DIAPH3: variants seen among roughly 807,000 people sequenced by gnomAD.
DIAPH3 encodes the protein protein diaphanous homolog 3.
DIAPH3 carries 117 observed loss-of-function variants against 144.3 expected under a neutral mutation model. The observed-to-expected ratio is 0.81, with a 90% CI of 0.70 to 0.95. DIAPH3 has a LOEUF of 0.95. DIAPH3 is among the 40% of genes least tolerant of loss of function. DIAPH3 has a pLI of 0.00. For missense variants in DIAPH3, 1,421 were observed against 1,412.7 expected, an observed-to-expected ratio of 1.01 and a Z score of -0.09; for synonymous variants, 519 against 488.9, an observed-to-expected ratio of 1.06 and a Z score of -0.81.
At chr13:59,847,991 T>C (rs968429119) in intron 22 of DIAPH3, among the ~76,000 whole-genome samples, 2 of 152,212 alleles carry the variant, frequency 1.3e-5, no homozygotes, top group African/African-American at 4.8e-5. Context: ...TTAGTTTTTA[T>C]AACTCTTTTC....
At chr13:60,079,327 A>G (rs183396583) in intron 4 of DIAPH3, among the ~76,000 whole-genome samples, 1 of 152,190 alleles carries the variant, frequency 6.6e-6, no homozygotes, top group East Asian at 1.9e-4. Flanking sequence ...CTACACATCT[A>G]CTTCCATAAA....
chr13:59,906,526 G>T (rs913535490), intron 20 of DIAPH3, among the ~76,000 whole-genome samples: 1 of 152,088 alleles, frequency 6.6e-6, no homozygotes, highest in Non-Finnish European at 1.5e-5. Context: ...TAAAGCGAGG[G>T]ATTTTTAATG....
intron 5 of DIAPH3, among the ~76,000 whole-genome samples, chr13:60,023,229 C>T (rs1784728049): frequency 6.6e-6 from 1 of 150,878 alleles, no homozygotes; most frequent in Non-Finnish European, 1.5e-5. Flanking sequence ...AGAGGGCCAT[C>T]CAAATTATCT....
In DIAPH3 at chr13:60,163,620, G is replaced by A; in HGVS notation, c.147C>T (p.Gly49=). Residue 49 remains glycine, a synonymous_variant, in exon 1 of 28, where the codon GGC becomes GGT. Coordinates refer to ENST00000400324, the MANE Select transcript of DIAPH3 (RefSeq NM_001042517.2). ...GGCGCTTCTCCCCAGGCTCCTCGGG[G>A]CCACTGGGCGGCGGAGGGTGTTGGG... is the stretch of plus-strand genomic sequence containing the variant. ...KGPQHPPPPS[G]PEEPGEKRPK... 5 of 1,604,486 alleles carry A rather than the reference G, an allele frequency of 3.1e-6. No homozygotes were observed. Among genetic ancestry groups the A allele is most frequent in the Non-Finnish European group, 4.3e-6 (5 of 1,173,178 alleles).
chr13:59,764,458 T>C (rs1222262462), intron 27 of DIAPH3, among the ~76,000 whole-genome samples: 1 of 151,426 alleles, frequency 6.6e-6, no homozygotes, highest in African/African-American at 2.4e-5. Context: ...ACTGGGGCCC[T>C]GTGGTGTTGT....
At chr13:59,671,976 A>G (rs1716869817) in intron 27 of DIAPH3, among the ~76,000 whole-genome samples, 1 of 152,196 alleles carries the variant, frequency 6.6e-6, no homozygotes, top group African/African-American at 2.4e-5. Flanking sequence ...AAACTCATTC[A>G]TCCTGTGCTA....
chr13:59,692,290 T>C (rs1342339095), intron 27 of DIAPH3, among the ~76,000 whole-genome samples: 1 of 151,820 alleles, frequency 6.6e-6, no homozygotes, highest in Admixed American at 6.6e-5. Context: ...TAATAAGAGG[T>C]ATGAATGGTA....
intron 24 of DIAPH3, among the ~76,000 whole-genome samples, chr13:59,823,069 C>T (rs957644227): frequency 2.6e-5 from 4 of 152,010 alleles, no homozygotes; most frequent in African/African-American, 7.2e-5. Context: ...CCTTTTGCTA[C>T]GTTATTTCAG....
At chr13:59,792,249 AGCT>A (rs1359502950) in intron 25 of DIAPH3, among the ~76,000 whole-genome samples, 1 of 152,148 alleles carries the variant, frequency 6.6e-6, no homozygotes, top group Non-Finnish European at 1.5e-5. Context: ...CCTTGATCAA[AGCT>A]GCTATGTCAG....
intron 14 of DIAPH3, among the ~76,000 whole-genome samples, chr13:59,975,237 ATC>A (rs1191738109): frequency 3.3e-5 from 5 of 152,032 alleles, no homozygotes; most frequent in Non-Finnish European, 7.4e-5. Context: ...AAATGCAACT[ATC>A]TCACAAATGT....
At position 60,065,254 on chromosome 13, in the gene DIAPH3, A is replaced by T. The variant is rs925450757; in HGVS notation, c.496-22434T>A. Among the ~76,000 whole-genome samples, 64 of 20,236 alleles carry T rather than the reference A, an allele frequency of 3.2e-3. 1 individual carries two copies. The highest frequency in any genetic ancestry group is 0.024 in the East Asian group (57 of 2,334). The allele number at this position is 20,236 out of a possible 152,430, so 13.3% of individuals were successfully genotyped here. A position where few individuals can be genotyped will look rare whatever the true frequency, so the allele number is the denominator to read the frequency against. On this transcript the variant is annotated intron_variant, in intron 4 of 27. Transcript: ENST00000400324. ...GGTTTCCACAGTCCTTTAATTTATT[A>T]AAAAAAAAAAAAAAAAAAAAAGCAG...
intron 7 of DIAPH3, among the ~76,000 whole-genome samples, chr13:60,013,762 G>C (rs2053442544): frequency 6.6e-6 from 1 of 151,916 alleles, no homozygotes; most frequent in East Asian, 1.9e-4. Context: ...TATAAGTGAG[G>C]TTTAACAAAT....
chr13:59,859,608 G>A (rs2043457387), intron 22 of DIAPH3, among the ~76,000 whole-genome samples: 4 of 151,996 alleles, frequency 2.6e-5, no homozygotes, highest in Non-Finnish European at 2.9e-5. Context: ...TACCTACCAT[G>A]TTTTCATCCA....
At chr13:59,729,547 C>CTT (rs2035777271) in intron 27 of DIAPH3, among the ~76,000 whole-genome samples, 1 of 151,940 alleles carries the variant, frequency 6.6e-6, no homozygotes, top group African/African-American at 2.4e-5. Context: ...AGCATGAGAT[C>CTT]TTTGTGGTAC....
chr13:59,696,895 T>C (rs908895446), intron 27 of DIAPH3, among the ~76,000 whole-genome samples: 1 of 152,118 alleles, frequency 6.6e-6, no homozygotes, highest in African/African-American at 2.4e-5. Context: ...TGTAATTCTA[T>C]CCTAGTTAGT....
intron 2 of DIAPH3, among the ~76,000 whole-genome samples, chr13:60,129,960 G>C (rs555145327): frequency 6.6e-6 from 1 of 152,214 alleles, no homozygotes; most frequent in South Asian, 2.1e-4. Context: ...TTTTTTAAAG[G>C]GGTAAAAACG....
At chr13:59,687,625 G>T (rs777543528) in intron 27 of DIAPH3, among the ~76,000 whole-genome samples, 1 of 151,998 alleles carries the variant, frequency 6.6e-6, no homozygotes, top group Non-Finnish European at 1.5e-5. Context: ...GTCTTGAAAT[G>T]ATATATTGAA....
At chr13:59,931,796 GAGGAAC>G (rs1214550524) in intron 17 of DIAPH3, among the ~76,000 whole-genome samples, 1 of 152,184 alleles carries the variant, frequency 6.6e-6, no homozygotes, top group African/African-American at 2.4e-5. Context: ...AGCAACAGTT[GAGGAAC>G]AGGTTTGGAC....
intron 27 of DIAPH3, among the ~76,000 whole-genome samples, chr13:59,758,935 A>G (rs2037426850): frequency 6.6e-6 from 1 of 151,144 alleles, no homozygotes. Context: ...GCACACCACC[A>G]GAACTGGCTA....
Sources: allele counts gnomAD v4.1 joint callset (sites outside exome capture counted in the v4.1 genomes callset), GRCh38; gene constraint gnomAD v4.1.1; transcripts MANE v1.5; gene names NCBI Gene and HGNC (gene_info 2026-07-23, HGNC 2026-07-21).